GRK5: variants seen among roughly 807,000 people sequenced by gnomAD.
GRK5 encodes the protein G protein-coupled receptor kinase 5.
In GRK5, 40 loss-of-function variants were observed where a neutral mutation model predicts 78.4. That is an observed-to-expected ratio of 0.51 (90% CI 0.40 to 0.66). GRK5 has a LOEUF of 0.66. GRK5 is among the 30% of genes least tolerant of loss of function. The pLI is 0.00. For synonymous variants in GRK5, 289 were observed against 296.8 expected (o/e 0.97, Z 0.27); for missense variants, 598 against 759.9 (o/e 0.79, Z 2.50).
Position 119,431,436 on chromosome 10 carries a change from G to A in GRK5, c.647G>A (p.Arg216His), listed in dbSNP as rs774000868. 10 of 1,613,998 alleles carry A rather than the reference G, an allele frequency of 6.2e-6. No homozygotes were observed. The highest frequency in any genetic ancestry group is 6.8e-6 in the Non-Finnish European group (8 of 1,179,934). Reference sequence around the variant, plus strand: ...ACGGGTAAAATGTATGCCTGCAAGCGCTTGGAGAAGAAGAGGATCAAAAAG... The same window carrying A: ...ACGGGTAAAATGTATGCCTGCAAGCACTTGGAGAAGAAGAGGATCAAAAAG... ...RATGKMYACK[R>H]LEKKRIKKRK... The change falls in exon 8 of 16, where the codon CGC (arginine) becomes CAC (histidine). Residue 216 changes from arginine to histidine, a missense_variant. Transcript: ENST00000392870. This position sits in a 1 kb window ranked among gnomAD's most constrained non-coding sequence, Gnocchi z 4.8.
At chr10:119,239,267 C>T (rs1395026583) in intron 1 of GRK5, among the ~76,000 whole-genome samples, 1 of 150,194 alleles carries the variant, frequency 6.7e-6, no homozygotes, top group African/African-American at 2.5e-5. Flanking sequence ...CACAGTCTCA[C>T]TCTGTCACCC....
At chr10:119,423,737 A>G (rs148600004) in intron 5 of GRK5, among the ~76,000 whole-genome samples, 1 of 152,282 alleles carries the variant, frequency 6.6e-6, no homozygotes, top group African/African-American at 2.4e-5. Context: ...CCCATCCTGC[A>G]CACACACACT....
At chr10:119,348,342 T>C (rs1332318010) in intron 2 of GRK5, among the ~76,000 whole-genome samples, 2 of 152,232 alleles carry the variant, frequency 1.3e-5, no homozygotes, top group African/African-American at 4.8e-5. Context: ...TATGGAACAA[T>C]TGAACATGTG....
chr10:119,385,854 G>A (rs1048879196), intron 3 of GRK5, among the ~76,000 whole-genome samples: 4 of 151,920 alleles, frequency 2.6e-5, no homozygotes, highest in African/African-American at 9.7e-5. Context: ...GATCTGGGCT[G>A]GAAATGGAAA....
chr10:119,219,670 A>G (rs577366516), intron 1 of GRK5, among the ~76,000 whole-genome samples: 55 of 152,234 alleles, frequency 3.6e-4, no homozygotes, highest in Non-Finnish European at 6.8e-4. Context: ...AATGTTTTCC[A>G]AATGTTTGTC....
chr10:119,441,489 C>T (rs1028495975), intron 10 of GRK5, among the ~76,000 whole-genome samples: 10 of 152,264 alleles, frequency 6.6e-5, no homozygotes, highest in African/African-American at 9.6e-5. Flanking sequence ...CATCTCCAGG[C>T]TCTGCCAGGT....
intron 2 of GRK5, chr10:119,335,129 C>CCTCCCTCTCTCTCTCTCT (rs1850852517): frequency 1.0e-4 from 1 of 9,872 alleles, no homozygotes; most frequent in Non-Finnish European, 1.8e-4. Context: ...GCCTGCCTTG[C>CCTCCCTCTCTCTCTCTCT]CTCTCTCTCT....
At chr10:119,303,854 T>C (rs1850228046) in intron 1 of GRK5, among the ~76,000 whole-genome samples, 1 of 151,820 alleles carries the variant, frequency 6.6e-6, no homozygotes, top group Non-Finnish European at 1.5e-5. Flanking sequence ...GGAGGGAAAG[T>C]GAAGGACCCC....
chr10:119,234,400 C>T (rs1848883768), intron 1 of GRK5, among the ~76,000 whole-genome samples: 1 of 152,190 alleles, frequency 6.6e-6, no homozygotes, highest in South Asian at 2.1e-4. Context: ...CTGCCACAAA[C>T]CTATGAGGCA....
At chr10:119,437,234 G>A (rs756008312) in intron 9 of GRK5, among the ~76,000 whole-genome samples, 6 of 152,178 alleles carry the variant, frequency 3.9e-5, no homozygotes, top group Non-Finnish European at 7.3e-5. Context: ...GGGAAGACTT[G>A]GGTCGGGTCA....
At chr10:119,229,978 T>G (rs1431285170) in intron 1 of GRK5, among the ~76,000 whole-genome samples, 1 of 152,164 alleles carries the variant, frequency 6.6e-6, no homozygotes, top group Non-Finnish European at 1.5e-5. Context: ...TGGGGAGAAT[T>G]CCATCTTATG....
At position 119,371,441 on chromosome 10, in the gene GRK5, CA is replaced by C. The variant is rs555697856; in HGVS notation, c.149-9373del. ...TCATGTCACTCGAAAAGAATGAAAACAGTGACAGCATTTATTTATCTTAACT... is the reference window on the plus strand; with the variant it reads ...TCATGTCACTCGAAAAGAATGAAAACGTGACAGCATTTATTTATCTTAACT... On this transcript the variant is annotated intron_variant, in intron 2 of 15. Transcript: ENST00000392870. Among the ~76,000 whole-genome samples, 23 of 152,388 alleles carry C rather than the reference CA, an allele frequency of 1.5e-4. No homozygotes were observed. The South Asian group carries it at 4.8e-3, about 32-fold the overall frequency.
At chr10:119,323,476 G>A (rs1373426718) in intron 1 of GRK5, among the ~76,000 whole-genome samples, 1 of 152,180 alleles carries the variant, frequency 6.6e-6, no homozygotes, top group East Asian at 1.9e-4. Context: ...CTGAGCTAGG[G>A]TTTAGGCTGA....
intron 1 of GRK5, among the ~76,000 whole-genome samples, chr10:119,265,432 G>T (rs79578493): frequency 6.6e-6 from 1 of 152,106 alleles, no homozygotes; most frequent in Non-Finnish European, 1.5e-5. Flanking sequence ...GAGGTGAGTC[G>T]GTTAAGATGA....
At position 119,256,070 on chromosome 10, in the gene GRK5, C is replaced by A. The variant is rs550123889; in HGVS notation, c.52+48101C>A. ...GTTATTCAAGCAAACCAGTTTGAAACCCTTTGCAAATAGAAGACACCGAGA... is the reference window on the plus strand; with the variant it reads ...GTTATTCAAGCAAACCAGTTTGAAAACCTTTGCAAATAGAAGACACCGAGA... On this transcript the variant is annotated intron_variant, in intron 1 of 15. Transcript: ENST00000392870. Among the ~76,000 whole-genome samples, 18 of 152,228 alleles carry A rather than the reference C, an allele frequency of 1.2e-4. No homozygotes were observed. The South Asian group carries it at 1.5e-3, about 12-fold the overall frequency.
chr10:119,409,980 AACC>A (rs1264930338), intron 4 of GRK5, among the ~76,000 whole-genome samples: 2 of 152,150 alleles, frequency 1.3e-5, no homozygotes, highest in Admixed American at 6.5e-5. Context: ...GCTGCATGCA[AACC>A]ACTGGCCAGG....
intron 2 of GRK5, among the ~76,000 whole-genome samples, chr10:119,343,398 A>T (rs758672784): frequency 2.6e-5 from 4 of 152,186 alleles, no homozygotes; most frequent in Non-Finnish European, 5.9e-5. Context: ...TCGTCCAATC[A>T]CTACAAAGCC....
chr10:119,423,077 G>C (rs1431557419), intron 4 of GRK5, 89 bp from the exon 5 acceptor site: 1 of 822,112 alleles, frequency 1.2e-6, no homozygotes, highest in East Asian at 2.4e-5. Context: ...CTGGAGCGTG[G>C]CTGGTTCTTG....
At chr10:119,454,341 C>G (rs1313928949) in intron 15 of GRK5, among the ~76,000 whole-genome samples, 1 of 152,192 alleles carries the variant, frequency 6.6e-6, no homozygotes, top group Non-Finnish European at 1.5e-5. Context: ...CTCAGTTTGC[C>G]TGCCTGAAAC....
Sources: gnomAD v4.1 joint callset for allele counts (sites outside exome capture counted in the v4.1 genomes callset) on GRCh38, gnomAD v4.1.1 for gene constraint, Gnocchi (gnomAD v3.1) non-coding constraint, MANE v1.5 for transcripts, NCBI Gene and HGNC (gene_info 2026-07-23, HGNC 2026-07-21) for gene names.